FANCM: variants seen among roughly 807,000 people sequenced by gnomAD.
FANCM encodes the protein FA complementation group M, also known as Fanconi anemia group M protein.
In FANCM, 140 loss-of-function variants were observed where a neutral mutation model predicts 199.5. The observed-to-expected ratio is 0.70, with a 90% CI of 0.61 to 0.81. The LOEUF (loss-of-function observed/expected upper bound fraction) is 0.81. Ranked by LOEUF, FANCM falls within the 30% of genes least tolerant of loss-of-function variation. FANCM has a pLI of 0.00. For missense variants in FANCM, 2,410 were observed against 2,421.4 expected (o/e 1.00, Z 0.10); for synonymous variants, 840 against 836.8 (o/e 1.00, Z -0.07).
chr14:45,179,561 C>CTTTTTTTTTTTTT, intron 14 of FANCM, among the ~76,000 whole-genome samples: 1 of 95,488 alleles, frequency 1.0e-5, no homozygotes, highest in Non-Finnish European at 2.1e-5. Flanking sequence ...TTCTTTCTTT[C>CTTTTTTTTTTTTT]TTTTTTTTTT....
chr14:45,160,641 T>A (rs1050982242), intron 9 of FANCM, among the ~76,000 whole-genome samples: 1 of 151,424 alleles, frequency 6.6e-6, no homozygotes, highest in Non-Finnish European at 1.5e-5. Context: ...GCCTCCCGGG[T>A]TCACGCCATT....
At chr14:45,189,908 C>T (rs929575443) in intron 20 of FANCM, among the ~76,000 whole-genome samples, 1 of 149,990 alleles carries the variant, frequency 6.7e-6, no homozygotes, top group Non-Finnish European at 1.5e-5. Flanking sequence ...GCAGAGGTTG[C>T]AGTCAGCCGA....
chr14:45,197,005 G>A (rs1890095420), intron 21 of FANCM, among the ~76,000 whole-genome samples: 4 of 152,176 alleles, frequency 2.6e-5, no homozygotes, highest in African/African-American at 9.7e-5. Context: ...GACAAGGGAA[G>A]TTCAATTTTG....
At chr14:45,155,303 T>C (rs1249168288) in intron 7 of FANCM, 70 bp from the exon 8 acceptor site, 28 of 689,898 alleles carry the variant, frequency 4.1e-5, no homozygotes, top group Non-Finnish European at 5.1e-6. Context: ...AAGATAACTT[T>C]CATATACATT....
chr14:45,162,064 A>G lies in FANCM; in HGVS notation c.1582-2295A>G, dbSNP rs150109609. ...CAAGGTTTTTGGCCTGAGCAACTGA[A>G]GGAGCTGGTATTAACTAAGATGGAT... On this transcript the variant is annotated intron_variant, in intron 9 of 22. Transcript: ENST00000267430. Among the ~76,000 whole-genome samples the G allele has an allele frequency of 8.2e-4, 125 of 152,290 alleles. 1 individual carries two copies. Among genetic ancestry groups the G allele is most frequent in the Admixed American group, 1.2e-3 (19 of 15,296 alleles).
At chr14:45,194,906 ACC>A (rs1045809047) in intron 20 of FANCM, among the ~76,000 whole-genome samples, 2 of 148,396 alleles carry the variant, frequency 1.3e-5, no homozygotes, top group African/African-American at 5.0e-5. Context: ...CGCCTCCCAC[ACC>A]CAGATAATTG....
In FANCM at chr14:45,147,529, C is replaced by T. The variant is rs138144341; in HGVS notation, c.760-1308C>T. On this transcript the variant is annotated intron_variant, in intron 3 of 22. Coordinates refer to ENST00000267430, the MANE Select transcript of FANCM (RefSeq NM_020937.4). ...AATTCCTGGCTTCAAGCAGTCTTCC[C>T]AACTTGGCCTCCCACAGCCCTGGGA... Among the ~76,000 whole-genome samples the T allele has an allele frequency of 8.7e-3, 1,321 of 152,138 alleles. 8 individuals are homozygous for T. The highest frequency in any genetic ancestry group is 0.014 in the Middle Eastern group (4 of 294).
chr14:45,164,344 T>C lies in FANCM; in HGVS notation c.1582-15T>C. ...ACATTTGCATGTAGTTATTTTTCAA[T>C]TGTTTTTATTTTAGGTAGTGAAACA... On this transcript the variant is annotated splice_polypyrimidine_tract_variant and intron_variant, in intron 9 of 22. Coordinates refer to ENST00000267430, the MANE Select transcript of FANCM (RefSeq NM_020937.4). The C allele has an allele frequency of 6.3e-7, 1 of 1,593,568 alleles. No individual in the cohort carries two copies. The highest frequency in any genetic ancestry group is 8.6e-7 in the Non-Finnish European group (1 of 1,162,904).
rs112745068 is a variant in FANCM at position 45,189,226 on chromosome 14, C to T, written c.5204C>T (p.Ser1735Leu). 2.4e-5 allele frequency: 39 copies of T among 1,614,082 alleles called. No individual in the cohort carries two copies. The highest frequency in any genetic ancestry group is 4.0e-5 in the African/African-American group (3 of 75,028). ...TTAGCAAAGCAGAGCAAACAGACAT[C>T]GCTGAATTTAAAGGATACAATTTCC... Reference protein sequence around the residue: ...NPLAKQSKQTSLNLKDTISEV... With the variant: ...NPLAKQSKQTLLNLKDTISEV... Residue 1735 changes from serine to leucine, a missense_variant, in exon 20 of 23, where the codon TCG becomes TTG. Transcript: ENST00000267430.
At position 45,176,493 on chromosome 14, in the gene FANCM, G is replaced by T; in HGVS notation, c.3739G>T (p.Glu1247Ter). Residue 1247 changes from glutamate to a stop codon, truncating the protein, a stop_gained, in exon 14 of 23, where the codon GAA becomes TAA. Transcript: ENST00000267430. LOFTEE classifies it high-confidence loss of function. ...CSPDSDDEIL[E>*]HTSDSNRPLD... ...TCCAGATTCTGATGATGAAATATTGGAACATACATCAGATAGCAATAGACC... is the reference window on the plus strand; with the variant it reads ...TCCAGATTCTGATGATGAAATATTGTAACATACATCAGATAGCAATAGACC... The T allele has an allele frequency of 6.2e-7, 1 of 1,608,092 alleles. No individual in the cohort carries two copies. The highest frequency in any genetic ancestry group is 1.1e-5 in the South Asian group (1 of 90,090).
chr14:45,182,369 A>C (rs1037625080), intron 16 of FANCM, among the ~76,000 whole-genome samples: 8 of 152,258 alleles, frequency 5.3e-5, no homozygotes, highest in African/African-American at 1.7e-4. Flanking sequence ...GTCAAGGGTT[A>C]GAATTGCTTA....
Position 45,159,262 on chromosome 14 carries a change from C to G in FANCM, c.1563C>G (p.Thr521=), listed in dbSNP as rs775472302. 3.7e-6 allele frequency: 6 copies of G among 1,611,732 alleles called. No individual in the cohort carries two copies. The Admixed American group carries it at 1.0e-4, about 27-fold the overall frequency. The change falls in exon 9 of 23, where the codon ACC becomes ACG. Residue 521 remains threonine, a synonymous_variant. Coordinates refer to ENST00000267430, the MANE Select transcript of FANCM (RefSeq NM_020937.4). The part of the protein sequence containing the change: ...HASGKSTKGF[T]QKEQLEVVKQ... ...CAGGGAAAAGCACGAAGGGTTTTACCCAGAAGGAGCAACTGGAGGTAATTA... is the reference window on the plus strand; with the variant it reads ...CAGGGAAAAGCACGAAGGGTTTTACGCAGAAGGAGCAACTGGAGGTAATTA...
At chr14:45,174,399 A>AT (rs1334820954) in intron 13 of FANCM, among the ~76,000 whole-genome samples, 12 of 151,788 alleles carry the variant, frequency 7.9e-5, no homozygotes, top group Non-Finnish European at 1.8e-4. Context: ...AAAAAAAAAA[A>AT]CAAAAAAACC....
intron 13 of FANCM, among the ~76,000 whole-genome samples, chr14:45,174,240 A>G (rs1372722446): frequency 6.6e-6 from 1 of 152,186 alleles, no homozygotes; most frequent in African/African-American, 2.4e-5. Context: ...TACAAAAATT[A>G]GCTGGGTGTG....
At chr14:45,178,728 G>A (rs1285376898) in intron 14 of FANCM, among the ~76,000 whole-genome samples, 1 of 152,092 alleles carries the variant, frequency 6.6e-6, no homozygotes, top group African/African-American at 2.4e-5. Context: ...TGTCTGTCTG[G>A]GTAGATGTTT....
At chr14:45,199,683 G>T (rs1890255591) in intron 22 of FANCM, among the ~76,000 whole-genome samples, 187 bp from the exon 23 acceptor site, 1 of 152,186 alleles carries the variant, frequency 6.6e-6, no homozygotes, top group Non-Finnish European at 1.5e-5. Flanking sequence ...TGTTATTCTA[G>T]ATAATTTTAA....
Position 45,196,607 on chromosome 14 carries a change from G to GT in FANCM, c.5716+63dup, listed in dbSNP as rs1369076800. ...GTAAAGGAACTTTACGGTTAACTTA[G>GT]TTTATTCTTCTATTATTAGGATGTG... On this transcript the variant is annotated intron_variant, in intron 21 of 22. Transcript: ENST00000267430. The GT allele has an allele frequency of 1.2e-5, 18 of 1,512,258 alleles. No individual in the cohort carries two copies. In the African/African-American group the frequency reaches 1.8e-4, roughly 15 times the overall value. The allele number at this position is 1,512,258 out of a possible 1,614,324, so 93.7% of individuals were successfully genotyped here. A position where few individuals can be genotyped will look rare whatever the true frequency, so the allele number is the denominator to read the frequency against.
In FANCM at chr14:45,173,057, T is replaced by C. The variant is rs781479852; in HGVS notation, c.2163T>C (p.Ala721=). Residue 721 remains alanine, a splice_region_variant and synonymous_variant, in exon 13 of 23, where the codon GCT becomes GCC. Transcript: ENST00000267430. ...SSLQNEENKP[A]QESTTGIHQL... is the part of the protein sequence containing the mutation. ...TTATTACTTTTTAAATAATTAAGGC[T>C]CAAGAATCAACCACTGGAATTCATC... The C allele has an allele frequency of 1.2e-6, 2 of 1,604,136 alleles. No individual in the cohort carries two copies. The highest frequency in any genetic ancestry group is 1.3e-5 in the African/African-American group (1 of 74,800).
rs1011917809 is a variant in FANCM, at chr14:45,135,969, C to T, written c.-63C>T. 9 of 1,573,728 alleles carry T rather than the reference C, an allele frequency of 5.7e-6. No individual in the cohort carries two copies. The Admixed American group carries it at 1.5e-4, about 26-fold the overall frequency. On this transcript the variant is annotated 5_prime_UTR_variant, in exon 1 of 23. Transcript: ENST00000267430. ...GAAGGAAACCGATGGGGATCGGAAC[C>T]GTAGCGGTTGAGCTGCTGCTGCTAC...
Sources: gnomAD v4.1 joint callset for allele counts (sites outside exome capture counted in the v4.1 genomes callset) on GRCh38, gnomAD v4.1.1 for gene constraint, MANE v1.5 for transcripts, NCBI Gene and HGNC (gene_info 2026-07-23, HGNC 2026-07-21) for gene names.